MRAS: variants seen among roughly 807,000 people sequenced by gnomAD.
MRAS encodes ras-related protein M-Ras.
Under a neutral mutation model 20.9 loss-of-function variants are expected in MRAS, and 4 were observed. The ratio of observed to expected loss-of-function variants is 0.19; its 90% CI spans 0.09 to 0.44. The LOEUF is 0.44. Ranked by LOEUF, MRAS falls within the 20% of genes least tolerant of loss-of-function variation. MRAS has a pLI of 0.99. For missense variants in MRAS, 154 were observed against 277.5 expected (o/e 0.56, Z 3.16); for synonymous variants, 98 against 102.9 (o/e 0.95, Z 0.29).
At chr3:138,391,862 A>G (rs1474323626) in intron 2 of MRAS, among the ~76,000 whole-genome samples, 3 of 152,202 alleles carry the variant, frequency 2.0e-5, no homozygotes, top group Admixed American at 2.0e-4. Context: ...GTTCATGGCC[A>G]GGCGCGGTGG....
chr3:138,366,884 A>T (rs946433415), intron 1 of MRAS, among the ~76,000 whole-genome samples: 2 of 152,198 alleles, frequency 1.3e-5, no homozygotes, highest in African/African-American at 4.8e-5. Flanking sequence ...TAGGGGACCT[A>T]TGGACCCCTT....
At chr3:138,364,516 C>CAGGAAA (rs1255961092) in intron 1 of MRAS, among the ~76,000 whole-genome samples, 9 of 152,330 alleles carry the variant, frequency 5.9e-5, no homozygotes, top group African/African-American at 2.2e-4. Flanking sequence ...ATAGCTCAAG[C>CAGGAAA]TCTTTGGCAA....
At chr3:138,373,164 G>T in intron 2 of MRAS, 88 bp downstream of exon 2, 1 of 1,200,114 alleles carries the variant, frequency 8.3e-7, no homozygotes, top group African/African-American at 1.6e-5. Flanking sequence ...GGGCAAGATG[G>T]TTTCCTTAAT....
At chr3:138,396,600 C>G (rs768018513) in intron 2 of MRAS, among the ~76,000 whole-genome samples, 16 of 152,218 alleles carry the variant, frequency 1.1e-4, no homozygotes, top group Non-Finnish European at 1.8e-4. Context: ...ATGAGACTTT[C>G]CCTCAGCAGG....
At chr3:138,370,802 A>G (rs1330253694) in intron 1 of MRAS, among the ~76,000 whole-genome samples, 1 of 152,224 alleles carries the variant, frequency 6.6e-6, no homozygotes, top group African/African-American at 2.4e-5. Flanking sequence ...AACATTAAGA[A>G]AATGAAAATG....
rs552122724 is a variant in MRAS at position 138,402,854 on chromosome 3, A to G, written c.*585A>G. 1 of 152,588 alleles carries G rather than the reference A, an allele frequency of 6.6e-6. No individual in the cohort carries two copies. Among genetic ancestry groups the G allele is most frequent in the Non-Finnish European group, 1.5e-5 (1 of 68,056 alleles). The allele number at this position is 152,588 out of a possible 1,614,324, so 9.5% of individuals were successfully genotyped here. On this transcript the variant is annotated 3_prime_UTR_variant, in exon 6 of 6. Coordinates refer to ENST00000423968, the MANE Select transcript of MRAS (RefSeq NM_001085049.3). ...GTTTTCCCATCAGTGCCAAAACTCA[A>G]CTCAATCTGAAAGTAGAGTGTCTGA...
At chr3:138,353,743 G>T (rs1030524084) in intron 1 of MRAS, among the ~76,000 whole-genome samples, 1 of 152,134 alleles carries the variant, frequency 6.6e-6, no homozygotes, top group Non-Finnish European at 1.5e-5. Flanking sequence ...TTGTGGGCTG[G>T]ACCCTGTACT....
In MRAS at chr3:138,372,879, G is replaced by A. The variant is rs751518862; in HGVS notation, c.-5G>A. The A allele has an allele frequency of 3.3e-5, 50 of 1,528,414 alleles. No individual in the cohort carries two copies. The highest frequency in any genetic ancestry group is 4.4e-5 in the Non-Finnish European group (50 of 1,148,016). 94.7% of individuals were successfully genotyped at this position (1,528,414 alleles called of 1,614,324 possible). ...TTGCTGCCGCAGGTCTGACCTACGA[G>A]AAACATGGCAACCAGCGCCGTCCCC... On this transcript the variant is annotated 5_prime_UTR_variant, in exon 2 of 6. Coordinates refer to ENST00000423968, the MANE Select transcript of MRAS (RefSeq NM_001085049.3).
In MRAS at chr3:138,398,516, A is replaced by G; in HGVS notation, c.395A>G (p.His132Arg). 1.2e-6 allele frequency: 2 copies of G among 1,614,160 alleles called. No individual in the cohort carries two copies. The highest frequency in any genetic ancestry group is 1.7e-6 in the Non-Finnish European group (2 of 1,180,024). ...ILVANKVDLM[H>R]LRKITREQGK... is the part of the protein sequence containing the mutation. ...GTGGCCAACAAGGTCGATTTGATGC[A>G]CTTGAGGAAGATCACCAGGGAGCAA... is the stretch of plus-strand genomic sequence containing the variant. The change falls in exon 4 of 6, where the codon CAC (histidine) becomes CGC (arginine). Residue 132 changes from histidine to arginine, a missense_variant. Coordinates refer to ENST00000423968, the MANE Select transcript of MRAS (RefSeq NM_001085049.3).
At chr3:138,380,500 A>T (rs953106989) in intron 2 of MRAS, among the ~76,000 whole-genome samples, 1 of 39,964 alleles carries the variant, frequency 2.5e-5, no homozygotes, top group African/African-American at 2.0e-4. Flanking sequence ...TTTAGTAGGG[A>T]TGGGGTTTCC....
intron 2 of MRAS, among the ~76,000 whole-genome samples, chr3:138,390,171 G>A (rs1212028852): frequency 2.0e-5 from 3 of 152,110 alleles, no homozygotes. Context: ...CTCCATGCTG[G>A]CTGCCCTCCT....
intron 1 of MRAS, among the ~76,000 whole-genome samples, chr3:138,361,626 A>G (rs540931751): frequency 5.3e-5 from 8 of 152,208 alleles, no homozygotes; most frequent in Non-Finnish European, 1.0e-4. Context: ...GCGGAGCAGA[A>G]CAGTGAGGAG....
At chr3:138,351,797 G>A (rs536673590) in intron 1 of MRAS, among the ~76,000 whole-genome samples, 74 of 152,266 alleles carry the variant, frequency 4.9e-4, no homozygotes, top group Middle Eastern at 3.4e-3. Context: ...CAGAGTAATA[G>A]GTTTTGTCTT....
chr3:138,359,380 C>T (rs1440933225), intron 1 of MRAS, among the ~76,000 whole-genome samples: 2 of 152,144 alleles, frequency 1.3e-5, no homozygotes, highest in African/African-American at 2.4e-5. Context: ...ATGCCTGCCT[C>T]GTTTTCAGGA....
rs10471 is a variant in MRAS, at chr3:138,405,373, T to A, written c.*3104T>A. ...TTGGAATGAAAGATACTTGAATTATTGTGCGCCTGTGAGCGCCCAGCTTCT... is the reference window on the plus strand; with the variant it reads ...TTGGAATGAAAGATACTTGAATTATAGTGCGCCTGTGAGCGCCCAGCTTCT... On this transcript the variant is annotated 3_prime_UTR_variant, in exon 6 of 6. Transcript: ENST00000423968. 1,815 of 152,836 alleles carry A rather than the reference T, an allele frequency of 0.012. 17 individuals carry two copies. The highest frequency in any genetic ancestry group is 0.021 in the Admixed American group (317 of 15,314). 9.5% of individuals were successfully genotyped at this position (152,836 alleles called of 1,614,324 possible). A position where few individuals can be genotyped will look rare whatever the true frequency, so the allele number is the denominator to read the frequency against.
rs2055133675 is a variant in MRAS at position 138,391,575 on chromosome 3, C to A, written c.194-5749C>A. On this transcript the variant is annotated intron_variant, in intron 2 of 5. Transcript: ENST00000423968. ...TGAACTTTGTTTTATGCACAAAATT[C>A]TCGGAAATATTGTATAAAATTATTT... Among the ~76,000 whole-genome samples, 4 of 152,098 alleles carry A rather than the reference C, an allele frequency of 2.6e-5. No homozygotes were observed. In the South Asian group the frequency reaches 8.3e-4, roughly 32 times the overall value.
Position 138,402,247 on chromosome 3 carries a change from A to G in MRAS, c.605A>G (p.Lys202Arg), listed in dbSNP as rs2055375780. The change falls in exon 6 of 6, where the codon AAA becomes AGA. Residue 202 changes from lysine (K) to arginine (R), a missense_variant. Physicochemically the swap from Lys to Arg is conservative, Grantham distance 26 (BLOSUM62 2). Coordinates refer to ENST00000423968, the MANE Select transcript of MRAS (RefSeq NM_001085049.3). ...GGAGACCGGGCCACAGGCACCCACA[A>G]ACTGCAATGTGTGATCTTGTGACAG... ...WRGDRATGTH[K>R]LQCVIL 6.2e-7 allele frequency: 1 copy of G among 1,614,194 alleles called. No individual in the cohort carries two copies. The highest frequency in any genetic ancestry group is 8.5e-7 in the Non-Finnish European group (1 of 1,180,006).
At chr3:138,400,252 A>G (rs1426254735) in intron 4 of MRAS, 6 of 334,632 alleles carry the variant, frequency 1.8e-5, no homozygotes, top group African/African-American at 6.4e-5. Flanking sequence ...ACAGTCTTTC[A>G]TCTTCAAGTA....
At chr3:138,388,844 T>A (rs2055069901) in intron 2 of MRAS, among the ~76,000 whole-genome samples, 2 of 152,182 alleles carry the variant, frequency 1.3e-5, no homozygotes, top group Non-Finnish European at 2.9e-5. Flanking sequence ...TAAAAGTTTT[T>A]GTTTTTGTTT....
Sources: allele counts gnomAD v4.1 joint callset (sites outside exome capture counted in the v4.1 genomes callset), GRCh38; gene constraint gnomAD v4.1.1; transcripts MANE v1.5; gene names NCBI Gene and HGNC (gene_info 2026-07-23, HGNC 2026-07-21).